PPP4R4: variants seen among roughly 807,000 people sequenced by gnomAD.
PPP4R4 encodes serine/threonine-protein phosphatase 4 regulatory subunit 4.
PPP4R4 carries 70 observed loss-of-function variants against 121.8 expected under a neutral mutation model. The ratio of observed to expected loss-of-function variants is 0.57; its 90% CI spans 0.47 to 0.70. The LOEUF is 0.70. Ranked by LOEUF, PPP4R4 falls within the 30% of genes least tolerant of loss-of-function variation. The pLI, the probability that PPP4R4 is intolerant of heterozygous loss-of-function variation, is 0.00. For synonymous variants in PPP4R4, 348 were observed against 355.7 expected (o/e 0.98, Z 0.24); for missense variants, 875 against 1,033.6 (o/e 0.85, Z 2.10).
intron 2 of PPP4R4, among the ~76,000 whole-genome samples, chr14:94,184,430 GT>G (rs758921556): frequency 6.6e-6 from 1 of 151,588 alleles, no homozygotes; most frequent in Non-Finnish European, 1.5e-5. Flanking sequence ...AGCTAATTAA[GT>G]TTTTTTTGTA....
intron 17 of PPP4R4, among the ~76,000 whole-genome samples, chr14:94,257,530 G>T (rs1265925111): frequency 1.3e-5 from 2 of 151,876 alleles, no homozygotes; most frequent in African/African-American, 4.8e-5. Flanking sequence ...TTAATTAAGT[G>T]ATTTGATGAC....
chr14:94,196,684 TTCATCTTTTTC>T (rs1376329310), intron 2 of PPP4R4, among the ~76,000 whole-genome samples: 3 of 152,162 alleles, frequency 2.0e-5, no homozygotes, highest in Non-Finnish European at 4.4e-5. Flanking sequence ...ATTGTGTTTA[TTCATCTTTTTC>T]TTCTTTCTAG....
At chr14:94,246,888 C>G (rs1429409190) in intron 14 of PPP4R4, among the ~76,000 whole-genome samples, 1 of 152,212 alleles carries the variant, frequency 6.6e-6, no homozygotes, top group Non-Finnish European at 1.5e-5. Flanking sequence ...TGCAAAGGAC[C>G]TTCTTCTGTT....
chr14:94,221,281 A>G (rs975985716), intron 3 of PPP4R4, among the ~76,000 whole-genome samples: 2 of 152,168 alleles, frequency 1.3e-5, no homozygotes, highest in Non-Finnish European at 2.9e-5. Flanking sequence ...GGAAACCATA[A>G]GAGAAAATTT....
intron 14 of PPP4R4, 41 bp from the exon 15 acceptor site, chr14:94,250,131 A>G: frequency 7.6e-7 from 1 of 1,320,166 alleles, no homozygotes; most frequent in African/African-American, 1.4e-5. Flanking sequence ...CTAGACTAGA[A>G]TTAGCCTAGT....
chr14:94,248,250 G>A (rs1209217053), intron 14 of PPP4R4, among the ~76,000 whole-genome samples: 1 of 152,098 alleles, frequency 6.6e-6, no homozygotes, highest in Non-Finnish European at 1.5e-5. Context: ...AAAATCAGTA[G>A]CATTTCTATA....
intron 17 of PPP4R4, 22 bp downstream of exon 17, chr14:94,256,626 A>ATGT: frequency 6.4e-7 from 1 of 1,569,430 alleles, no homozygotes; most frequent in Non-Finnish European, 8.7e-7. Context: ...TCTTGCCACA[A>ATGT]TGTTGCATTT....
chr14:94,201,980 TA>T (rs1037726612), intron 2 of PPP4R4, among the ~76,000 whole-genome samples: 1 of 148,482 alleles, frequency 6.7e-6, no homozygotes, highest in Non-Finnish European at 1.5e-5. Flanking sequence ...ACACTCACCA[TA>T]AAAAGGAACA....
In PPP4R4 at chr14:94,208,490, G is replaced by A; in HGVS notation, c.218G>A (p.Ser73Asn). ...LSAGQDVQGT[S>N]VIANLPFLMR... Reference sequence around the variant, plus strand: ...GCTGGTCAAGATGTCCAAGGAACAAGTGTGATTGCAAATCTCCCATTTTTG... The same window carrying A: ...GCTGGTCAAGATGTCCAAGGAACAAATGTGATTGCAAATCTCCCATTTTTG... Residue 73 changes from serine to asparagine, a missense_variant, in exon 3 of 25, where the codon AGT (serine) becomes AAT (asparagine). Physicochemically the swap from Ser to Asn is conservative, Grantham distance 46. Coordinates refer to ENST00000304338, the MANE Select transcript of PPP4R4 (RefSeq NM_058237.2). The A allele has an allele frequency of 6.2e-7, 1 of 1,611,568 alleles. No individual in the cohort carries two copies. Among genetic ancestry groups the A allele is most frequent in the South Asian group, 1.1e-5 (1 of 90,934 alleles).
chr14:94,227,323 G>A (rs2139517650), intron 3 of PPP4R4: 1 of 1,612,602 alleles, frequency 6.2e-7, no homozygotes, highest in East Asian at 2.2e-5. Flanking sequence ...CAGAGAGTAT[G>A]GATCTCACAT....
intron 24 of PPP4R4, among the ~76,000 whole-genome samples, chr14:94,277,744 A>C (rs1474184654): frequency 6.6e-6 from 1 of 152,040 alleles, no homozygotes; most frequent in Non-Finnish European, 1.5e-5. Flanking sequence ...TCCTTTTCAT[A>C]GACTGAATTT....
At chr14:94,246,662 G>T (rs1359322027) in intron 14 of PPP4R4, 123 bp downstream of exon 14, 1 of 1,086,410 alleles carries the variant, frequency 9.2e-7, no homozygotes, top group African/African-American at 1.6e-5. Context: ...CTAGGAGGAT[G>T]TCAGCTTCGT....
intron 3 of PPP4R4, 24 bp downstream of exon 3, chr14:94,208,590 G>A: frequency 6.4e-7 from 1 of 1,559,694 alleles, no homozygotes; most frequent in East Asian, 2.3e-5. Context: ...AAATAAGATT[G>A]GAGTTTCCCA....
chr14:94,244,848 C>A (rs1892808245), intron 12 of PPP4R4, 136 bp downstream of exon 12: 1 of 781,864 alleles, frequency 1.3e-6, no homozygotes, highest in Non-Finnish European at 1.8e-6. Context: ...ATTGTTGTAC[C>A]ACTATATCAT....
chr14:94,175,861 C>G (rs1888652647), intron 1 of PPP4R4, 193 bp from the exon 2 acceptor site: 2 of 584,414 alleles, frequency 3.4e-6, no homozygotes, highest in Middle Eastern at 4.5e-4. Flanking sequence ...CCCCAAACTC[C>G]CCAAACCACC....
At chr14:94,227,426 GA>G (rs935845567) in intron 3 of PPP4R4, 1 of 1,584,274 alleles carries the variant, frequency 6.3e-7, no homozygotes, top group African/African-American at 1.4e-5. Context: ...AATATGTTTA[GA>G]AAATCAGTTG....
chr14:94,256,080 A>G (rs1893456052), intron 16 of PPP4R4, among the ~76,000 whole-genome samples: 2 of 152,200 alleles, frequency 1.3e-5, no homozygotes, highest in Admixed American at 1.3e-4. Flanking sequence ...TTTCAGTGGA[A>G]CCTTCAATGA....
At position 94,244,709 on chromosome 14, in the gene PPP4R4, G is replaced by A. The variant is rs1892802618; in HGVS notation, c.1341G>A (p.Leu447=). Residue 447 remains leucine (L), a synonymous_variant, in exon 12 of 25, where the codon CTG becomes CTA. Coordinates refer to ENST00000304338, the MANE Select transcript of PPP4R4 (RefSeq NM_058237.2). Reference sequence around the variant, plus strand: ...TAACATTATTACAAGATGAATCACTGGAGGTAATATTTTCTTACTCTTTGA... The same window carrying A: ...TAACATTATTACAAGATGAATCACTAGAGGTAATATTTTCTTACTCTTTGA... ...ELITLLQDES[L]EVLDALIDHL... The A allele has an allele frequency of 3.4e-6, 5 of 1,492,432 alleles. No homozygotes were observed. The highest frequency in any genetic ancestry group is 4.5e-6 in the Non-Finnish European group (5 of 1,105,184). The allele number at this position is 1,492,432 out of a possible 1,614,324, so 92.4% of individuals were successfully genotyped here. A position where few individuals can be genotyped will look rare whatever the true frequency, so the allele number is the denominator to read the frequency against.
At chr14:94,183,899 T>A (rs1390654192) in intron 2 of PPP4R4, among the ~76,000 whole-genome samples, 2 of 151,804 alleles carry the variant, frequency 1.3e-5, no homozygotes, top group African/African-American at 4.8e-5. Flanking sequence ...TAAAATAAGA[T>A]AATATATAAA....
Sources: gnomAD v4.1 joint callset for allele counts (sites outside exome capture counted in the v4.1 genomes callset) on GRCh38, gnomAD v4.1.1 for gene constraint, MANE v1.5 for transcripts, NCBI Gene and HGNC (gene_info 2026-07-23, HGNC 2026-07-21) for gene names.